Variants in SDK1 observed in about 807,000 individuals in gnomAD.
SDK1 encodes the protein sidekick cell adhesion molecule 1.
A neutral mutation model predicts 245.5 loss-of-function variants in SDK1; 157 were observed. That is an observed-to-expected ratio of 0.64 (90% CI 0.56 to 0.73). SDK1 has a LOEUF of 0.73. Among genes scored for constraint, SDK1 ranks in the 30% least tolerant of loss-of-function variants. The probability of loss-of-function intolerance (pLI) is 0.00; values close to 1 mark genes in which losing one functional copy is unlikely to be tolerated. For missense variants in SDK1, 3,583 were observed against 3,002.3 expected, an observed-to-expected ratio of 1.19 and a Z score of -4.52; for synonymous variants, 1,647 against 1,278.5, an observed-to-expected ratio of 1.29 and a Z score of -6.15.
intron 4 of SDK1, among the ~76,000 whole-genome samples, chr7:3,655,757 G>T (rs1783163468): frequency 6.6e-6 from 1 of 151,816 alleles, no homozygotes; most frequent in African/African-American, 2.4e-5. Context: ...GTTTGTTCTG[G>T]GGAGATGGTG....
chr7:3,528,252 TA>T (rs1186537306), intron 1 of SDK1, among the ~76,000 whole-genome samples: 1 of 125,334 alleles, frequency 8.0e-6, no homozygotes, highest in Non-Finnish European at 1.6e-5. Flanking sequence ...GATATTCAGC[TA>T]GGGGGTGAGT....
intron 28 of SDK1, among the ~76,000 whole-genome samples, chr7:4,139,507 A>G (rs1367140116): frequency 5.4e-5 from 3 of 55,348 alleles, no homozygotes; most frequent in African/African-American, 5.3e-5. Context: ...GTGTGTGTAT[A>G]TGTATATATG....
intron 1 of SDK1, among the ~76,000 whole-genome samples, chr7:3,463,174 G>A (rs890002585): frequency 3.9e-5 from 6 of 152,296 alleles, no homozygotes; most frequent in African/African-American, 1.4e-4. Flanking sequence ...GTCGAGATTT[G>A]TAGGCTTTGC....
At chr7:3,395,881 A>G (rs1781883945) in intron 1 of SDK1, among the ~76,000 whole-genome samples, 1 of 151,508 alleles carries the variant, frequency 6.6e-6, no homozygotes, top group Non-Finnish European at 1.5e-5. Context: ...CTCTTTGCCA[A>G]GGGTTTGCCA....
intron 35 of SDK1, among the ~76,000 whole-genome samples, chr7:4,191,327 GGC>G (rs1376394379): frequency 7.9e-5 from 12 of 152,214 alleles, no homozygotes; most frequent in African/African-American, 2.9e-4. Flanking sequence ...CGCACAGCCC[GGC>G]AGATGCCCAG....
intron 1 of SDK1, among the ~76,000 whole-genome samples, chr7:3,597,087 G>A (rs1422080711): frequency 2.6e-5 from 4 of 151,922 alleles, no homozygotes; most frequent in Admixed American, 6.6e-5. Context: ...TGGCTAACAC[G>A]GTGAAACCCT....
intron 1 of SDK1, among the ~76,000 whole-genome samples, chr7:3,595,440 G>T (rs1731185720): frequency 1.3e-5 from 2 of 151,822 alleles, no homozygotes; most frequent in Non-Finnish European, 2.9e-5. Context: ...CTTGGTCTTG[G>T]GTAAGAGGCA....
intron 1 of SDK1, among the ~76,000 whole-genome samples, chr7:3,498,811 A>T (rs1782104612): frequency 6.6e-6 from 1 of 150,648 alleles, no homozygotes; most frequent in Non-Finnish European, 1.5e-5. Flanking sequence ...TTGTATGCTG[A>T]TGAGTTCCAC....
rs139301067 is a variant in SDK1, at chr7:3,689,260, A to C, written c.713+47155A>C. On this transcript the variant is annotated intron_variant, in intron 4 of 44. Coordinates refer to ENST00000404826, the MANE Select transcript of SDK1 (RefSeq NM_152744.4). Reference sequence around the variant, plus strand: ...CTTCCCTTGCAGCTATGGGGACCTGATGATTCACCTCTCCCACAAAGATGT... The same window carrying C: ...CTTCCCTTGCAGCTATGGGGACCTGCTGATTCACCTCTCCCACAAAGATGT... Among the ~76,000 whole-genome samples, 386 of 152,244 alleles carry C rather than the reference A, an allele frequency of 2.5e-3. 2 individuals carry two copies. The highest frequency in any genetic ancestry group is 0.01 in the Middle Eastern group (3 of 294).
At chr7:3,673,547 A>C (rs982442249) in intron 4 of SDK1, among the ~76,000 whole-genome samples, 1 of 152,218 alleles carries the variant, frequency 6.6e-6, no homozygotes, top group African/African-American at 2.4e-5. Context: ...CCGGCCTGTT[A>C]TTACATGAGT....
intron 4 of SDK1, among the ~76,000 whole-genome samples, chr7:3,720,959 A>G (rs1785349782): frequency 6.6e-6 from 1 of 152,224 alleles, no homozygotes; most frequent in Non-Finnish European, 1.5e-5. Flanking sequence ...GATAGACCTC[A>G]AGAGAGTTAT....
chr7:4,208,959 A>G (rs1486904485), intron 37 of SDK1, among the ~76,000 whole-genome samples: 1 of 152,150 alleles, frequency 6.6e-6, no homozygotes, highest in East Asian at 1.9e-4. Context: ...GGCCCTCTGT[A>G]GGATTCTGGA....
At chr7:3,516,506 T>TA (rs1185646053) in intron 1 of SDK1, among the ~76,000 whole-genome samples, 4 of 152,166 alleles carry the variant, frequency 2.6e-5, no homozygotes, top group Non-Finnish European at 4.4e-5. Flanking sequence ...GAGTGTATTT[T>TA]AAAAAATTAT....
At chr7:3,676,140 A>G (rs1428935318) in intron 4 of SDK1, among the ~76,000 whole-genome samples, 3 of 150,462 alleles carry the variant, frequency 2.0e-5, no homozygotes, top group Non-Finnish European at 3.0e-5. Context: ...TAAATTTTGT[A>G]TTTTTTTGTG....
chr7:3,439,840 G>C (rs1189139739), intron 1 of SDK1, among the ~76,000 whole-genome samples: 1 of 152,182 alleles, frequency 6.6e-6, no homozygotes, highest in East Asian at 1.9e-4. Context: ...AGACCTCCTT[G>C]CTTACTAGAG....
intron 35 of SDK1, among the ~76,000 whole-genome samples, chr7:4,195,231 C>G (rs1783507273): frequency 6.6e-6 from 1 of 152,230 alleles, no homozygotes; most frequent in Non-Finnish European, 1.5e-5. Flanking sequence ...ACCTACTCTT[C>G]TAGCAACTCT....
chr7:3,641,545 C>G (rs1193669235), intron 3 of SDK1, among the ~76,000 whole-genome samples: 1 of 152,118 alleles, frequency 6.6e-6, no homozygotes, highest in Non-Finnish European at 1.5e-5. Context: ...AGAGCAAGGG[C>G]CGGTGCCGGG....
chr7:3,714,650 T>C (rs759076282), intron 4 of SDK1, among the ~76,000 whole-genome samples: 2 of 152,212 alleles, frequency 1.3e-5, no homozygotes, highest in African/African-American at 4.8e-5. Context: ...TAATACACTT[T>C]ATTGAAGCAG....
intron 16 of SDK1, among the ~76,000 whole-genome samples, chr7:4,016,765 G>A (rs2128151822): frequency 6.6e-6 from 1 of 152,276 alleles, no homozygotes; most frequent in African/African-American, 2.4e-5. Flanking sequence ...ACAAGGCCGT[G>A]TGCTGCTTGC....
Sources: allele counts gnomAD v4.1 joint callset (sites outside exome capture counted in the v4.1 genomes callset), GRCh38; gene constraint gnomAD v4.1.1; transcripts MANE v1.5; gene names NCBI Gene and HGNC (gene_info 2026-07-23, HGNC 2026-07-21).